The following SVBP variants were observed in gnomAD, a reference collection of about 807,000 sequenced individuals.
SVBP encodes small vasohibin binding protein.
SVBP carries 9 observed loss-of-function variants against 9.2 expected under a neutral mutation model. The ratio of observed to expected loss-of-function variants is 0.98; its 90% confidence interval spans 0.59 to 1.71. The LOEUF (loss-of-function observed/expected upper bound fraction) is 1.71. SVBP is among the 40% of genes most tolerant of loss of function. The probability of loss-of-function intolerance (pLI) is 0.00; values close to 1 mark genes in which losing one functional copy is unlikely to be tolerated. For synonymous variants in SVBP, 27 were observed against 23.9 expected (o/e 1.13, Z -0.37); for missense variants, 63 against 73.2 (o/e 0.86, Z 0.51).
chr1:42,813,575 T>C, intron 2 of SVBP: 1 of 530,812 alleles, frequency 1.9e-6, no homozygotes, highest in Admixed American at 2.0e-5. Flanking sequence ...TTTCATTTGG[T>C]TTTCCAAATT....
Position 42,817,224 on chromosome 1 carries a change from CG to C in SVBP, c.-72del. The C allele has an allele frequency of 1.6e-6, 2 of 1,256,124 alleles. No individual in the cohort carries two copies. The highest frequency in any genetic ancestry group is 1.3e-5 in the South Asian group (1 of 77,296). The allele number at this position is 1,256,124 out of a possible 1,614,324, so 77.8% of individuals were successfully genotyped here. On this transcript the variant is annotated 5_prime_UTR_variant, in exon 1 of 3. Transcript: ENST00000372521. ...CCGGGCCACTGGAAGTTGGAGCCTC[CG>C]CCGAGTCGCAGACAACGCCTCCGGG...
chr1:42,812,528 C>T (rs1487595723), intron 2 of SVBP, among the ~76,000 whole-genome samples: 1 of 152,226 alleles, frequency 6.6e-6, no homozygotes, highest in Non-Finnish European at 1.5e-5. Flanking sequence ...AGTAGCAACA[C>T]ACAGACTTCA....
At chr1:42,808,651 C>T (rs2124241822) in intron 2 of SVBP, among the ~76,000 whole-genome samples, 1 of 148,404 alleles carries the variant, frequency 6.7e-6, no homozygotes, top group East Asian at 2.0e-4. Context: ...GTATATATAG[C>T]TCATATATAT....
intron 2 of SVBP, among the ~76,000 whole-genome samples, chr1:42,808,774 G>C (rs1654020888): frequency 6.6e-6 from 1 of 151,892 alleles, no homozygotes; most frequent in African/African-American, 2.4e-5. Flanking sequence ...TCAGCTCACT[G>C]CAACCTCTGC....
chr1:42,811,944 C>T (rs917301563), intron 2 of SVBP, among the ~76,000 whole-genome samples: 6 of 150,476 alleles, frequency 4.0e-5, no homozygotes, highest in Non-Finnish European at 7.4e-5. Flanking sequence ...CGGATTTTAA[C>T]ATAATTACTA....
Position 42,816,450 on chromosome 1 carries a change from T to C in SVBP, c.95A>G (p.Lys32Arg), listed in dbSNP as rs201807646. The C allele has an allele frequency of 6.9e-5, 111 of 1,613,232 alleles. No homozygotes were observed. Among genetic ancestry groups the C allele is most frequent in the Non-Finnish European group, 8.8e-5 (104 of 1,179,276 alleles). The change falls in exon 2 of 3, where the codon AAG (lysine) becomes AGG (arginine). Residue 32 changes from lysine to arginine, a missense_variant. Transcript: ENST00000372521. Reference sequence around the variant, plus strand: ...TCTCACCTCTGCTCTTTGTCTCTGCTTCAGCTCCTGCTGGGCTGATTTCTG... The same window carrying C: ...TCTCACCTCTGCTCTTTGTCTCTGCCTCAGCTCCTGCTGGGCTGATTTCTG... Reference protein sequence around the residue: ...AKQKSAQQELKQRQRAEIYAL... With the variant: ...AKQKSAQQELRQRQRAEIYAL...
chr1:42,810,160 T>A (rs972789273), intron 2 of SVBP, among the ~76,000 whole-genome samples: 2 of 150,430 alleles, frequency 1.3e-5, no homozygotes, highest in Non-Finnish European at 3.0e-5. Flanking sequence ...ACACATATAT[T>A]TTTTTTGTGA....
At position 42,817,267 on chromosome 1, in the gene SVBP, T is replaced by G; in HGVS notation, c.-114A>C. The G allele has an allele frequency of 8.1e-7, 1 of 1,241,914 alleles. No homozygotes were observed. Among genetic ancestry groups the G allele is most frequent in the Non-Finnish European group, 1.0e-6 (1 of 964,996 alleles). 76.9% of individuals were successfully genotyped at this position (1,241,914 alleles called of 1,614,324 possible). ...GCCTCCGGGAGGGTAATCCTCGCCTTCCCCCGACCACTGGACCCAGCGCTG... is the reference window on the plus strand; with the variant it reads ...GCCTCCGGGAGGGTAATCCTCGCCTGCCCCCGACCACTGGACCCAGCGCTG... On this transcript the variant is annotated 5_prime_UTR_variant, in exon 1 of 3. Transcript: ENST00000372521.
rs1250047961 is a variant in SVBP at position 42,808,178 on chromosome 1, T to TAC, written c.115-680_115-679dup. 9.3e-3 allele frequency among the ~76,000 whole-genome samples: 672 copies of TAC among 72,440 alleles called. 19 individuals carry two copies. The highest frequency in any genetic ancestry group is 0.031 in the African/African-American group (610 of 19,950). 47.5% of individuals were successfully genotyped at this position (72,440 alleles called of 152,430 possible). A position where few individuals can be genotyped will look rare whatever the true frequency, so the allele number is the denominator to read the frequency against. ...ATATATATATATATATATATATATA[T>TAC]ACATACTATGTATAGTATATATAGC... On this transcript the variant is annotated intron_variant, in intron 2 of 2. Transcript: ENST00000372521.
At position 42,816,412 on chromosome 1, in the gene SVBP, G is replaced by GCCT. The variant is rs753269381; in HGVS notation, c.114+16_114+18dup. The GCCT allele has an allele frequency of 3.2e-6, 5 of 1,539,096 alleles. No homozygotes were observed. In the African/African-American group the frequency reaches 6.8e-5, roughly 21 times the overall value. Reference sequence around the variant, plus strand: ...CTCCAGCAGACTACAGGCATACAGAGCCTCCGCCTTAATCTCACCTCTGCT... The same window carrying GCCT: ...CTCCAGCAGACTACAGGCATACAGAGCCTCCTCCGCCTTAATCTCACCTCTGCT... On this transcript the variant is annotated intron_variant, in intron 2 of 2. Coordinates refer to ENST00000372521, the MANE Select transcript of SVBP (RefSeq NM_199342.4).
chr1:42,816,201 A>C, intron 2 of SVBP: 1 of 460,222 alleles, frequency 2.2e-6, no homozygotes, highest in South Asian at 3.7e-5. Context: ...TGGGTCTCTT[A>C]CCACAAAAGC....
intron 2 of SVBP, among the ~76,000 whole-genome samples, chr1:42,808,642 T>C (rs1025017181): frequency 4.7e-5 from 7 of 149,402 alleles, no homozygotes; most frequent in African/African-American, 1.7e-4. Flanking sequence ...TATATGTATG[T>C]ATATATAGCT....
chr1:42,807,490 A>G lies in SVBP; in HGVS notation c.125T>C (p.Leu42Pro), dbSNP rs780363645. ...KQRQRAEIYA[L>P]NRVMTELEQQ... The stretch of plus-strand genomic sequence containing the variant: ...CTCCAGTTCTGTCATGACTCTGTTG[A>G]GGGCATAGATCTGAATGAGAGAAAG... Residue 42 changes from leucine to proline, a missense_variant, in exon 3 of 3, where the codon CTC becomes CCC. By Grantham distance (98) the Leu-to-Pro change is moderately conservative (BLOSUM62 -3). Coordinates refer to ENST00000372521, the MANE Select transcript of SVBP (RefSeq NM_199342.4). 1.2e-6 allele frequency: 2 copies of G among 1,613,284 alleles called. No homozygotes were observed. The highest frequency in any genetic ancestry group is 2.2e-5 in the South Asian group (2 of 91,052).
chr1:42,812,664 A>G (rs1332754194), intron 2 of SVBP, among the ~76,000 whole-genome samples: 1 of 152,232 alleles, frequency 6.6e-6, no homozygotes, highest in East Asian at 1.9e-4. Context: ...GAAAAACTTT[A>G]CACATTATTG....
chr1:42,814,095 T>C (rs1290816778), intron 2 of SVBP, among the ~76,000 whole-genome samples: 2 of 151,332 alleles, frequency 1.3e-5, no homozygotes, highest in Non-Finnish European at 2.9e-5. Context: ...TTTTTCTTTT[T>C]TTTTTGTTTT....
chr1:42,807,935 G>A (rs1373275944), intron 2 of SVBP, among the ~76,000 whole-genome samples: 2 of 151,840 alleles, frequency 1.3e-5, no homozygotes, highest in African/African-American at 4.8e-5. Context: ...GTAAATAAAT[G>A]TAATGGAAAA....
At position 42,807,168 on chromosome 1, in the gene SVBP, T is replaced by TA. The variant is rs1570512717; in HGVS notation, c.*245_*246insT. 6.8e-5 allele frequency: 20 copies of TA among 296,000 alleles called. No homozygotes were observed. In the East Asian group the frequency reaches 9.0e-4, roughly 13 times the overall value. 18.3% of individuals were successfully genotyped at this position (296,000 alleles called of 1,614,324 possible). ...TTTTGTGTGTGTTTTTTTTTTTTTT[T>TA]TAAAAAAACCCAAAAAACAAAACCA... is the stretch of plus-strand genomic sequence containing the variant. On this transcript the variant is annotated 3_prime_UTR_variant, in exon 3 of 3. Coordinates refer to ENST00000372521, the MANE Select transcript of SVBP (RefSeq NM_199342.4).
At chr1:42,816,708 G>A in intron 1 of SVBP, 128 bp from the exon 2 acceptor site, 1 of 572,548 alleles carries the variant, frequency 1.7e-6, no homozygotes. Context: ...CTGGTGGCAA[G>A]GGCGCTGGAT....
intron 2 of SVBP, among the ~76,000 whole-genome samples, chr1:42,808,285 A>G (rs1654010261): frequency 6.9e-6 from 1 of 145,662 alleles, no homozygotes; most frequent in Non-Finnish European, 1.5e-5. Context: ...TAATATATAT[A>G]CACTATACTT....
Sources: allele counts gnomAD v4.1 joint callset (sites outside exome capture counted in the v4.1 genomes callset), GRCh38; gene constraint gnomAD v4.1.1; transcripts MANE v1.5; gene names NCBI Gene and HGNC (gene_info 2026-07-23, HGNC 2026-07-21).